The following NDUFA9 variants were observed in gnomAD, a reference collection of about 807,000 sequenced individuals.
The protein encoded by NDUFA9 is NADH:ubiquinone oxidoreductase subunit A9, also known as NADH dehydrogenase [ubiquinone] 1 alpha subcomplex subunit 9, mitochondrial.
In NDUFA9, 23 loss-of-function variants were observed where a neutral mutation model predicts 45.9. That is an observed-to-expected ratio of 0.50 (90% confidence interval 0.36 to 0.71). The LOEUF (loss-of-function observed/expected upper bound fraction) is 0.71. NDUFA9 is among the 30% of genes least tolerant of loss of function. The pLI, the probability that NDUFA9 is intolerant of heterozygous loss-of-function variation, is 0.00. For missense variants in NDUFA9, 466 were observed against 488.2 expected (o/e 0.95, Z 0.43); for synonymous variants, 176 against 170.5 (o/e 1.03, Z -0.25).
chr12:4,672,665 G>C lies in NDUFA9; in HGVS notation c.800+2848G>C, dbSNP rs1282338022. 2.6e-5 allele frequency among the ~76,000 whole-genome samples: 4 copies of C among 152,236 alleles called. No individual in the cohort carries two copies. The East Asian group carries it at 7.7e-4, about 29-fold the overall frequency. On this transcript the variant is annotated intron_variant, in intron 8 of 10. Coordinates refer to ENST00000266544, the MANE Select transcript of NDUFA9 (RefSeq NM_005002.5). ...GCAGCTCAGGAAGACACTGTGGCCA[G>C]ACTGCCTCTCCAGATTCCCTCCTCT...
At chr12:4,664,901 CT>C (rs1478043165) in intron 6 of NDUFA9, among the ~76,000 whole-genome samples, 2 of 152,266 alleles carry the variant, frequency 1.3e-5, no homozygotes, top group Non-Finnish European at 2.9e-5. Context: ...AGTTGTTACC[CT>C]TTCTTTCTTA....
At chr12:4,682,175 T>TCC (rs1945956777) in intron 8 of NDUFA9, 30 bp from the exon 9 acceptor site, 1 of 1,500,962 alleles carries the variant, frequency 6.7e-7, no homozygotes, top group Non-Finnish European at 9.1e-7. Flanking sequence ...AAGCGTGTAA[T>TCC]TGAAAGAACT....
intron 8 of NDUFA9, among the ~76,000 whole-genome samples, chr12:4,670,431 A>T (rs1037623421): frequency 5.3e-5 from 8 of 152,210 alleles, no homozygotes; most frequent in Non-Finnish European, 1.0e-4. Context: ...TATCAAATTC[A>T]CCTGGTAAGT....
intron 2 of NDUFA9, 142 bp from the exon 3 acceptor site, chr12:4,654,683 T>C (rs1410900616): frequency 1.7e-5 from 16 of 933,456 alleles, no homozygotes; most frequent in Non-Finnish European, 2.5e-5. Flanking sequence ...ATGGCATCTT[T>C]AGCATGGCAA....
chr12:4,666,732 C>T (rs59986414), intron 6 of NDUFA9, among the ~76,000 whole-genome samples: 23,214 of 152,020 alleles, frequency 0.15, 1,923 homozygotes, highest in Middle Eastern at 0.21. Flanking sequence ...TTTTTCTTTA[C>T]GCCACTGTTT....
At chr12:4,656,990 C>T (rs565380143) in intron 3 of NDUFA9, among the ~76,000 whole-genome samples, 3 of 152,176 alleles carry the variant, frequency 2.0e-5, no homozygotes, top group Non-Finnish European at 4.4e-5. Flanking sequence ...AAACAGACAT[C>T]CTAGTTCTCT....
At chr12:4,658,896 A>G (rs1168358792) in intron 4 of NDUFA9, 140 bp from the exon 5 acceptor site, 1 of 902,900 alleles carries the variant, frequency 1.1e-6, no homozygotes. Context: ...GGCCAAATTT[A>G]GCTTTAAGTT....
chr12:4,651,647 C>T (rs1359722198), intron 1 of NDUFA9, among the ~76,000 whole-genome samples: 1 of 152,152 alleles, frequency 6.6e-6, no homozygotes, highest in Non-Finnish European at 1.5e-5. Context: ...GTTTAATCCT[C>T]TTAACAGTCC....
rs1361292188 is a variant in NDUFA9 at position 4,654,225 on chromosome 12, A to G, written c.50-67A>G. On this transcript the variant is annotated intron_variant, in intron 1 of 10. Coordinates refer to ENST00000266544, the MANE Select transcript of NDUFA9 (RefSeq NM_005002.5). Reference sequence around the variant, plus strand: ...TTACAAGTTTTTAGAGAAAGGAGCTATTTGTGTTGACAGTTTTAAAAATAT... The same window carrying G: ...TTACAAGTTTTTAGAGAAAGGAGCTGTTTGTGTTGACAGTTTTAAAAATAT... 4.2e-6 allele frequency: 6 copies of G among 1,439,384 alleles called. No individual in the cohort carries two copies. In the African/African-American group the frequency reaches 7.1e-5, roughly 17 times the overall value. The allele number at this position is 1,439,384 out of a possible 1,614,324, so 89.2% of individuals were successfully genotyped here. A position where few individuals can be genotyped will look rare whatever the true frequency, so the allele number is the denominator to read the frequency against.
intron 1 of NDUFA9, among the ~76,000 whole-genome samples, chr12:4,650,917 C>A (rs1182971028): frequency 2.0e-5 from 3 of 152,048 alleles, no homozygotes; most frequent in African/African-American, 7.2e-5. Flanking sequence ...ACAATGGAGA[C>A]CTTTGAAAGC....
intron 1 of NDUFA9, chr12:4,653,418 G>A (rs1361959188): frequency 1.0e-5 from 3 of 291,538 alleles, no homozygotes; most frequent in Non-Finnish European, 2.0e-5. Context: ...GCAGCTACAG[G>A]AAGTAGTGAG....
chr12:4,658,361 A>G (rs947097834), intron 4 of NDUFA9, among the ~76,000 whole-genome samples: 7 of 152,176 alleles, frequency 4.6e-5, no homozygotes, highest in Non-Finnish European at 8.8e-5. Context: ...GTTTTTTAAT[A>G]TGTGTCTTCT....
intron 3 of NDUFA9, chr12:4,655,591 C>T (rs1945785069): frequency 6.6e-6 from 1 of 151,770 alleles, no homozygotes; most frequent in Non-Finnish European, 1.5e-5. Flanking sequence ...ACCTATGTGC[C>T]TCATGTTATA....
intron 1 of NDUFA9, among the ~76,000 whole-genome samples, chr12:4,652,412 T>C (rs1336122202): frequency 6.6e-6 from 1 of 152,164 alleles, no homozygotes; most frequent in Non-Finnish European, 1.5e-5. Context: ...CTCATCTACT[T>C]CCTTGCCTCA....
At position 4,659,182 on chromosome 12, in the gene NDUFA9, G is replaced by GT. The variant is rs1945809189; in HGVS notation, c.552+6dup. ...TCTAGATATTTGAGAAATAAGGTAA[G>GT]TAACAAATTGATCTGGGAAGTGGTT... On this transcript the variant is annotated splice_donor_region_variant and intron_variant, in intron 5 of 10. Transcript: ENST00000266544. The GT allele has an allele frequency of 1.2e-6, 2 of 1,609,082 alleles. No homozygotes were observed. Among genetic ancestry groups the GT allele is most frequent in the Non-Finnish European group, 1.7e-6 (2 of 1,176,474 alleles).
rs567325602 is a variant in NDUFA9, at chr12:4,690,711, A to C, written c.*3603A>C. The C allele has an allele frequency of 5.9e-5, 9 of 152,076 alleles. No homozygotes were observed. The highest frequency in any genetic ancestry group is 4.6e-4 in the Admixed American group (7 of 15,278). The allele number at this position is 152,076 out of a possible 1,614,324, so 9.4% of individuals were successfully genotyped here. A position where few individuals can be genotyped will look rare whatever the true frequency, so the allele number is the denominator to read the frequency against. ...GGAGACAGAGGGAGACTCTGTCTAA[A>C]ATAAATAATAATAATAATAATAATA... On this transcript the variant is annotated 3_prime_UTR_variant, in exon 11 of 11. Transcript: ENST00000266544.
intron 2 of NDUFA9, 86 bp from the exon 3 acceptor site, chr12:4,654,739 G>T: frequency 1.7e-6 from 2 of 1,144,734 alleles, no homozygotes; most frequent in South Asian, 1.6e-5. Flanking sequence ...TACCATACTA[G>T]AATTTAAATA....
rs1265111876 is a variant in NDUFA9, at chr12:4,693,983, G to T, written c.*6875G>T. ...AGTCCATAAATAGGACTTGGAAATG[G>T]AAGTGTAGGGGGAGATCCCATTGTA... On this transcript the variant is annotated 3_prime_UTR_variant, in exon 11 of 11. Transcript: ENST00000266544. 1 of 152,222 alleles carries T rather than the reference G, an allele frequency of 6.6e-6. No individual in the cohort carries two copies. The highest frequency in any genetic ancestry group is 1.5e-5 in the Non-Finnish European group (1 of 68,046). 9.4% of individuals were successfully genotyped at this position (152,222 alleles called of 1,614,324 possible).
At position 4,682,295 on chromosome 12, in the gene NDUFA9, C is replaced by G; in HGVS notation, c.891C>G (p.Ala297=). ...TCCCATTCCCCTTGCCGCTTTTTGC[C>G]TATCGGTAAGTAGAGTGCTCCTTTT... The part of the protein sequence containing the change: ...LFLPFPLPLF[A]YRWVARVFEI... Residue 297 remains alanine, a synonymous_variant, in exon 9 of 11, where the codon GCC becomes GCG. Coordinates refer to ENST00000266544, the MANE Select transcript of NDUFA9 (RefSeq NM_005002.5). The G allele has an allele frequency of 1.2e-6, 2 of 1,608,982 alleles. No individual in the cohort carries two copies. Among genetic ancestry groups the G allele is most frequent in the Non-Finnish European group, 8.5e-7 (1 of 1,175,730 alleles).
Sources: allele counts gnomAD v4.1 joint callset (sites outside exome capture counted in the v4.1 genomes callset), GRCh38; gene constraint gnomAD v4.1.1; transcripts MANE v1.5; gene names NCBI Gene and HGNC (gene_info 2026-07-23, HGNC 2026-07-21).